Variants in YLPM1 observed in about 807,000 individuals in gnomAD.
The protein encoded by YLPM1 is YLP motif containing 1.
A neutral mutation model predicts 230.0 loss-of-function variants in YLPM1; 99 were observed. The ratio of observed to expected loss-of-function variants is 0.43; its 90% CI spans 0.37 to 0.51. The LOEUF (loss-of-function observed/expected upper bound fraction) is 0.51, where lower values mean the gene tolerates loss of function less well. YLPM1 is among the 20% of genes least tolerant of loss of function. The pLI is 0.00. For missense variants in YLPM1, 2,592 were observed against 2,707.7 expected, an observed-to-expected ratio of 0.96 and a Z score of 0.95; for synonymous variants, 984 against 942.5, an observed-to-expected ratio of 1.04 and a Z score of -0.81.
At chr14:74,812,484 A>T in intron 10 of YLPM1, 144 bp from the exon 11 acceptor site, 2 of 778,214 alleles carry the variant, frequency 2.6e-6, no homozygotes, top group Non-Finnish European at 3.7e-6. Context: ...ACATTACCTT[A>T]AATTTTCTCT....
At chr14:74,779,220 A>G (rs2091070202) in intron 2 of YLPM1, among the ~76,000 whole-genome samples, 1 of 152,176 alleles carries the variant, frequency 6.6e-6, no homozygotes, top group Non-Finnish European at 1.5e-5. Context: ...GAGTGCCTCT[A>G]AGCACTAAAG....
intron 4 of YLPM1, among the ~76,000 whole-genome samples, chr14:74,783,363 A>G (rs1160151142): frequency 6.6e-6 from 1 of 152,196 alleles, no homozygotes; most frequent in Non-Finnish European, 1.5e-5. Flanking sequence ...CTGGGATTAC[A>G]GGTGTGAGCC....
At chr14:74,825,863 G>A (rs2091557370) in intron 18 of YLPM1, among the ~76,000 whole-genome samples, 1 of 151,984 alleles carries the variant, frequency 6.6e-6, no homozygotes, top group East Asian at 1.9e-4. Context: ...TTTTCTTTCT[G>A]TTTTTAAAAG....
At chr14:74,834,725 G>A (rs1431486862) in intron 19 of YLPM1, among the ~76,000 whole-genome samples, 2 of 152,236 alleles carry the variant, frequency 1.3e-5, no homozygotes, top group African/African-American at 4.8e-5. Flanking sequence ...AGTGCTAGAA[G>A]GAAGTCTGTA....
chr14:74,767,048 T>C (rs1333909269), intron 1 of YLPM1, among the ~76,000 whole-genome samples: 3 of 151,834 alleles, frequency 2.0e-5, no homozygotes, highest in African/African-American at 4.8e-5. Context: ...CACGCCTGGC[T>C]AATTTTTGTA....
At chr14:74,773,385 A>G (rs2090998999) in intron 1 of YLPM1, among the ~76,000 whole-genome samples, 1 of 152,216 alleles carries the variant, frequency 6.6e-6, no homozygotes, top group African/African-American at 2.4e-5. Context: ...TCTGGATCTA[A>G]GACAAAGCAT....
At position 74,781,467 on chromosome 14, in the gene YLPM1, T is replaced by C; in HGVS notation, c.1424T>C (p.Leu475Pro). ...QLHSYPHKDQ[L>P]QEYEKQWKTW... ...CATTCCTATCCTCATAAAGATCAGC[T>C]TCAGGAGTATGAGAAGCAGTGGAAA... Residue 475 changes from leucine to proline, a missense_variant, in exon 4 of 21, where the codon CTT (leucine) becomes CCT (proline). This residue lies in a region of YLPM1 where 1,862 missense variants were observed against 1,819.8 expected (regional missense o/e 1.02). Coordinates refer to ENST00000325680, the MANE Select transcript of YLPM1 (RefSeq NM_019589.3). 6.2e-7 allele frequency: 1 copy of C among 1,613,404 alleles called. No homozygotes were observed. Among genetic ancestry groups the C allele is most frequent in the Non-Finnish European group, 8.5e-7 (1 of 1,179,606 alleles).
intron 16 of YLPM1, 133 bp downstream of exon 16, chr14:74,818,447 A>T: frequency 1.7e-6 from 1 of 605,422 alleles, no homozygotes; most frequent in Non-Finnish European, 2.7e-6. Flanking sequence ...TATGCCTTTC[A>T]TTGAGATCAC....
intron 18 of YLPM1, 34 bp downstream of exon 18, chr14:74,824,341 A>G (rs934266094): frequency 7.5e-6 from 12 of 1,597,584 alleles, no homozygotes; most frequent in Admixed American, 3.4e-5. Flanking sequence ...TTTATATGTG[A>G]TACCTGATGG....
In YLPM1 at chr14:74,804,248, G is replaced by A. The variant is rs901894734; in HGVS notation, c.4521+1572G>A. 2.0e-5 allele frequency among the ~76,000 whole-genome samples: 3 copies of A among 152,282 alleles called. No individual in the cohort carries two copies. The South Asian group carries it at 6.2e-4, about 32-fold the overall frequency. On this transcript the variant is annotated intron_variant, in intron 6 of 20. Transcript: ENST00000325680. ...GGGACTACCCCTATACTCCACTTCAGGCAGCGTCGATGTGATTTGTGGCCA... is the reference window on the plus strand; with the variant it reads ...GGGACTACCCCTATACTCCACTTCAAGCAGCGTCGATGTGATTTGTGGCCA...
intron 4 of YLPM1, among the ~76,000 whole-genome samples, chr14:74,787,704 A>G (rs947338745): frequency 6.6e-6 from 1 of 152,138 alleles, no homozygotes; most frequent in Non-Finnish European, 1.5e-5. Context: ...GTAATTTTAC[A>G]AATAATTTAC....
At chr14:74,812,533 G>A in intron 10 of YLPM1, 95 bp from the exon 11 acceptor site, 1 of 1,260,804 alleles carries the variant, frequency 7.9e-7, no homozygotes, top group East Asian at 2.8e-5. Context: ...ACTGGACTTG[G>A]TTTGAATTAT....
At position 74,798,041 on chromosome 14, in the gene YLPM1, C is replaced by T. The variant is rs774628722; in HGVS notation, c.2744C>T (p.Ser915Leu). Residue 915 changes from serine (S) to leucine (L), a missense_variant, in exon 5 of 21, where the codon TCG becomes TTG. Coordinates refer to ENST00000325680, the MANE Select transcript of YLPM1 (RefSeq NM_019589.3). ...CAAGAGCCACCTAAAAGTGAAGTCT[C>T]GGAAGGGCCCGTAGAGCCCTCTAAT... is the stretch of plus-strand genomic sequence containing the variant. The part of the protein sequence containing the change: ...SQQEPPKSEV[S>L]EGPVEPSNWD... The T allele has an allele frequency of 9.9e-6, 16 of 1,613,598 alleles. 1 individual carries two copies. The highest frequency in any genetic ancestry group is 1.6e-4 in the Middle Eastern group (1 of 6,084).
intron 1 of YLPM1, among the ~76,000 whole-genome samples, chr14:74,765,323 T>C (rs944927292): frequency 6.6e-6 from 1 of 152,228 alleles, no homozygotes; most frequent in Non-Finnish European, 1.5e-5. Context: ...AATCTTGTAA[T>C]ATAAACGCTC....
chr14:74,795,522 CCCTTA>C (rs1363210599), intron 4 of YLPM1, among the ~76,000 whole-genome samples: 1 of 152,188 alleles, frequency 6.6e-6, no homozygotes, highest in Non-Finnish European at 1.5e-5. Context: ...TTAAATTCTT[CCCTTA>C]CAACTATCAT....
At chr14:74,799,771 A>G (rs918928751) in intron 5 of YLPM1, 74 bp downstream of exon 5, 96 of 1,457,098 alleles carry the variant, frequency 6.6e-5, no homozygotes, top group Non-Finnish European at 8.6e-5. Flanking sequence ...GTGATATGAT[A>G]TATTTGAATG....
chr14:74,833,863 T>C (rs560584575), intron 19 of YLPM1, among the ~76,000 whole-genome samples: 1 of 152,098 alleles, frequency 6.6e-6, no homozygotes, highest in Non-Finnish European at 1.5e-5. Flanking sequence ...CCAGGTTCAG[T>C]GTAAAGAGCA....
At chr14:74,823,678 G>A (rs1417946823) in intron 17 of YLPM1, among the ~76,000 whole-genome samples, 1 of 152,080 alleles carries the variant, frequency 6.6e-6, no homozygotes. Context: ...GCCGTTGTAT[G>A]CTCTAACTGG....
intron 18 of YLPM1, among the ~76,000 whole-genome samples, chr14:74,826,362 A>G (rs951311262): frequency 6.6e-6 from 1 of 152,174 alleles, no homozygotes. Context: ...CCTTATCATA[A>G]CAAATTTAAT....
Sources: allele counts gnomAD v4.1 joint callset (sites outside exome capture counted in the v4.1 genomes callset), GRCh38; gene constraint gnomAD v4.1.1; regional missense constraint gnomAD v4.1.1; transcripts MANE v1.5; gene names NCBI Gene and HGNC (gene_info 2026-07-23, HGNC 2026-07-21).